Variants in UBTD2 observed in about 807,000 individuals in gnomAD.
UBTD2 encodes ubiquitin domain containing 2.
A neutral mutation model predicts 19.8 loss-of-function variants in UBTD2; 9 were observed. The ratio of observed to expected loss-of-function variants is 0.46; its 90% CI spans 0.27 to 0.79. The LOEUF is 0.79. Ranked by LOEUF, UBTD2 falls within the 30% of genes least tolerant of loss-of-function variation. The probability of loss-of-function intolerance (pLI) is 0.14; values close to 1 mark genes in which losing one functional copy is unlikely to be tolerated. For synonymous variants in UBTD2, 98 were observed against 103.9 expected (o/e 0.94, Z 0.35); for missense variants, 250 against 300.4 (o/e 0.83, Z 1.24).
chr5:172,272,524 T>C (rs1209560260), intron 1 of UBTD2, among the ~76,000 whole-genome samples: 2 of 152,158 alleles, frequency 1.3e-5, no homozygotes, highest in African/African-American at 4.8e-5. Context: ...ATCAGCAAAT[T>C]GATCATGTCC....
intron 2 of UBTD2, among the ~76,000 whole-genome samples, chr5:172,219,540 A>G (rs1287531218): frequency 6.6e-6 from 1 of 152,202 alleles, no homozygotes; most frequent in Non-Finnish European, 1.5e-5. Flanking sequence ...CAACAGTTGC[A>G]TTATCGCAGT....
At chr5:172,282,069 CA>C (rs1755728937) in intron 1 of UBTD2, among the ~76,000 whole-genome samples, 1 of 152,012 alleles carries the variant, frequency 6.6e-6, no homozygotes, top group South Asian at 2.1e-4. Flanking sequence ...CGGAGAAGAG[CA>C]AAATGCTTAT....
chr5:172,258,099 G>A (rs578015367), intron 1 of UBTD2, among the ~76,000 whole-genome samples: 1 of 152,262 alleles, frequency 6.6e-6, no homozygotes, highest in East Asian at 1.9e-4. Flanking sequence ...GTCCAGAATG[G>A]TATTTCCTAG....
rs1374878667 is a variant in UBTD2, at chr5:172,283,196, C to G, written c.70+400G>C. ...AGGGTGCGGAAAGATGTGGCGGGGC[C>G]CGTCGGAGGGAACGCATCAAGCTCC... On this transcript the variant is annotated intron_variant, in intron 1 of 2. Coordinates refer to ENST00000393792, the MANE Select transcript of UBTD2 (RefSeq NM_152277.3). This position sits in a 1 kb window ranked among gnomAD's most constrained non-coding sequence, Gnocchi z 4.3. 1.3e-5 allele frequency among the ~76,000 whole-genome samples: 2 copies of G among 152,126 alleles called. No individual in the cohort carries two copies. The highest frequency in any genetic ancestry group is 6.5e-5 in the Admixed American group (1 of 15,272).
intron 1 of UBTD2, among the ~76,000 whole-genome samples, chr5:172,270,949 T>C (rs2113122183): frequency 6.6e-6 from 1 of 152,290 alleles, no homozygotes; most frequent in East Asian, 1.9e-4. Flanking sequence ...CTTGGTCTAC[T>C]TATGGCAATC....
In UBTD2 at chr5:172,226,219, G is replaced by A. The variant is rs58262925; in HGVS notation, c.307+7903C>T. Among the ~76,000 whole-genome samples, 649 of 152,276 alleles carry A rather than the reference G, an allele frequency of 4.3e-3. 6 individuals carry two copies. The highest frequency in any genetic ancestry group is 0.014 in the African/African-American group (601 of 41,540). On this transcript the variant is annotated intron_variant, in intron 2 of 2. Transcript: ENST00000393792. The stretch of plus-strand genomic sequence containing the variant: ...AAAGAATGAGAACACTTAAATGACA[G>A]AATGAATGCAAAGGAATGAAACAGT...
chr5:172,218,929 A>G (rs1425252136), intron 2 of UBTD2, among the ~76,000 whole-genome samples: 2 of 152,032 alleles, frequency 1.3e-5, no homozygotes, highest in Non-Finnish European at 2.9e-5. Context: ...AAAAGAGGAC[A>G]CAAATTACTG....
At chr5:172,255,210 AGCAGAAGGAGG>A in intron 1 of UBTD2, 1 of 444,212 alleles carries the variant, frequency 2.3e-6, no homozygotes, top group South Asian at 1.9e-5. Context: ...GCAAATTCCC[AGCAGAAGGAGG>A]TGAACTCCGC....
chr5:172,250,475 T>A (rs1754979510), intron 1 of UBTD2, among the ~76,000 whole-genome samples: 1 of 152,134 alleles, frequency 6.6e-6, no homozygotes, highest in Admixed American at 6.5e-5. Flanking sequence ...AGCATTCAAA[T>A]TTATAGACAT....
At chr5:172,273,135 A>G (rs1755533099) in intron 1 of UBTD2, among the ~76,000 whole-genome samples, 1 of 152,036 alleles carries the variant, frequency 6.6e-6, no homozygotes. Flanking sequence ...AAGAGGCATT[A>G]TAGACTAGGG....
chr5:172,222,730 A>G (rs1771677651), intron 2 of UBTD2, among the ~76,000 whole-genome samples: 1 of 152,232 alleles, frequency 6.6e-6, no homozygotes, highest in African/African-American at 2.4e-5. Flanking sequence ...AATAGAGAAT[A>G]CCATGGGATC....
rs1175525533 is a variant in UBTD2 at position 172,227,539 on chromosome 5, G to A, written c.307+6583C>T. Among the ~76,000 whole-genome samples the A allele has an allele frequency of 3.3e-5, 5 of 151,028 alleles. No individual in the cohort carries two copies. The South Asian group carries it at 6.3e-4, about 19-fold the overall frequency. ...AATTAACTTATCAACTTTGTTAAAT[G>A]ACAAATTTTTTTTTTTTGTATTTTT... is the stretch of plus-strand genomic sequence containing the variant. On this transcript the variant is annotated intron_variant, in intron 2 of 2. Transcript: ENST00000393792.
chr5:172,271,232 C>A (rs1755482710), intron 1 of UBTD2, among the ~76,000 whole-genome samples: 1 of 151,984 alleles, frequency 6.6e-6, no homozygotes, highest in Non-Finnish European at 1.5e-5. Flanking sequence ...AGATCAAGAC[C>A]ATCCTGGCTA....
At position 172,283,670 on chromosome 5, in the gene UBTD2, G is replaced by T; in HGVS notation, c.-5C>A. 1 of 1,234,920 alleles carries T rather than the reference G, an allele frequency of 8.1e-7. No individual in the cohort carries two copies. The highest frequency in any genetic ancestry group is 1.0e-6 in the Non-Finnish European group (1 of 985,442). 76.5% of individuals were successfully genotyped at this position (1,234,920 alleles called of 1,614,324 possible). A position where few individuals can be genotyped will look rare whatever the true frequency, so the allele number is the denominator to read the frequency against. On this transcript the variant is annotated 5_prime_UTR_variant, in exon 1 of 3. Coordinates refer to ENST00000393792, the MANE Select transcript of UBTD2 (RefSeq NM_152277.3). The surrounding 1 kb of genome is among the most constrained non-coding windows in gnomAD (Gnocchi z 4.3). ...GGCGCCCACACACCCGCCCATGGGG[G>T]CCCCCGGCGCCTCGTCCGCCACCTC... is the stretch of plus-strand genomic sequence containing the variant.
At chr5:172,251,246 G>A (rs928724145) in intron 1 of UBTD2, among the ~76,000 whole-genome samples, 4 of 145,350 alleles carry the variant, frequency 2.8e-5, no homozygotes, top group African/African-American at 1.0e-4. Flanking sequence ...CTGAACCCAG[G>A]AGGCCAGGCT....
chr5:172,258,299 AG>A (rs749905198), intron 1 of UBTD2, among the ~76,000 whole-genome samples: 4 of 152,196 alleles, frequency 2.6e-5, no homozygotes, highest in African/African-American at 4.8e-5. Flanking sequence ...AGATGATTGT[AG>A]GTGTGTGACT....
rs1330926575 is a variant in UBTD2, at chr5:172,283,200, C to T, written c.70+396G>A. Among the ~76,000 whole-genome samples the T allele has an allele frequency of 6.6e-6, 1 of 152,096 alleles. No homozygotes were observed. Among genetic ancestry groups the T allele is most frequent in the African/African-American group, 2.4e-5 (1 of 41,420 alleles). On this transcript the variant is annotated intron_variant, in intron 1 of 2. Transcript: ENST00000393792. The surrounding 1 kb of genome is among the most constrained non-coding windows in gnomAD (Gnocchi z 4.3). ...TGCGGAAAGATGTGGCGGGGCCCGTCGGAGGGAACGCATCAAGCTCCCTCC... is the reference window on the plus strand; with the variant it reads ...TGCGGAAAGATGTGGCGGGGCCCGTTGGAGGGAACGCATCAAGCTCCCTCC...
At chr5:172,254,981 G>T in intron 1 of UBTD2, 1 of 565,620 alleles carries the variant, frequency 1.8e-6, no homozygotes, top group African/African-American at 1.9e-5. Flanking sequence ...AAAGGGGATG[G>T]GCTGCACCAC....
rs1186220241 is a variant in UBTD2, at chr5:172,257,198, C to CT, written c.71-22841_71-22840insA. Among the ~76,000 whole-genome samples the CT allele has an allele frequency of 1.5e-4, 23 of 152,314 alleles. No individual in the cohort carries two copies. The East Asian group carries it at 4.1e-3, about 27-fold the overall frequency. ...CTGTTTCCTTGCGTTTACGTGTACTCAATGTTTAGCTCCCACTTATTAGTG... is the reference window on the plus strand; with the variant it reads ...CTGTTTCCTTGCGTTTACGTGTACTCTAATGTTTAGCTCCCACTTATTAGTG... On this transcript the variant is annotated intron_variant, in intron 1 of 2. Coordinates refer to ENST00000393792, the MANE Select transcript of UBTD2 (RefSeq NM_152277.3).
Sources: allele counts gnomAD v4.1 joint callset (sites outside exome capture counted in the v4.1 genomes callset), GRCh38; gene constraint gnomAD v4.1.1; non-coding constraint Gnocchi (gnomAD v3.1); transcripts MANE v1.5; gene names NCBI Gene and HGNC (gene_info 2026-07-23, HGNC 2026-07-21).